The following DLG2 variants were observed in gnomAD, a reference collection of about 807,000 sequenced individuals.
The protein encoded by DLG2 is discs large MAGUK scaffold protein 2, also known as disks large homolog 2.
DLG2 carries 45 observed loss-of-function variants against 132.5 expected under a neutral mutation model. The ratio of observed to expected loss-of-function variants is 0.34; its 90% CI spans 0.27 to 0.44. The LOEUF is 0.44. DLG2 is among the 20% of genes least tolerant of loss of function. The pLI, the probability that DLG2 is intolerant of heterozygous loss-of-function variation, is 1.00. For synonymous variants in DLG2, 424 were observed against 419.6 expected, an observed-to-expected ratio of 1.01 and a Z score of -0.13; for missense variants, 1,045 against 1,196.9, an observed-to-expected ratio of 0.87 and a Z score of 1.87.
chr11:85,001,563 T>C (rs946477761), intron 6 of DLG2, among the ~76,000 whole-genome samples: 2 of 152,138 alleles, frequency 1.3e-5, no homozygotes, highest in Non-Finnish European at 2.9e-5. Context: ...TATCAGTGAT[T>C]CTTAAGCCTG....
chr11:84,873,435 A>G (rs560745815), intron 6 of DLG2, among the ~76,000 whole-genome samples: 2 of 152,232 alleles, frequency 1.3e-5, no homozygotes, highest in Non-Finnish European at 2.9e-5. Context: ...ACTTCAGGAA[A>G]TGTAGATAAT....
intron 18 of DLG2, among the ~76,000 whole-genome samples, chr11:83,741,979 A>G (rs1282271381): frequency 2.6e-5 from 4 of 152,130 alleles, no homozygotes; most frequent in Admixed American, 6.6e-5. Flanking sequence ...CTCACACTGT[A>G]TTTTGGAAGC....
chr11:84,517,336 G>A (rs2099276853), intron 7 of DLG2, among the ~76,000 whole-genome samples: 1 of 151,708 alleles, frequency 6.6e-6, no homozygotes, highest in Admixed American at 6.6e-5. Context: ...ATGGGCAGAG[G>A]ATCTGAACAG....
At chr11:84,719,128 G>A (rs1299677676) in intron 6 of DLG2, among the ~76,000 whole-genome samples, 1 of 152,090 alleles carries the variant, frequency 6.6e-6, no homozygotes, top group Non-Finnish European at 1.5e-5. Flanking sequence ...GCCAATATAA[G>A]ACTTAAAATC....
intron 18 of DLG2, among the ~76,000 whole-genome samples, chr11:83,666,523 T>C (rs2075606222): frequency 6.6e-6 from 1 of 152,174 alleles, no homozygotes; most frequent in South Asian, 2.1e-4. Context: ...TGAGATGGAA[T>C]AGTTTAATCC....
chr11:85,520,575 C>T (rs981347868), intron 3 of DLG2, among the ~76,000 whole-genome samples: 1 of 147,772 alleles, frequency 6.8e-6, no homozygotes, highest in Non-Finnish European at 1.5e-5. Flanking sequence ...GTAAAAAGAA[C>T]AAAACTGAAG....
At chr11:84,198,349 G>T (rs549598422) in intron 8 of DLG2, among the ~76,000 whole-genome samples, 1 of 152,098 alleles carries the variant, frequency 6.6e-6, no homozygotes, top group East Asian at 1.9e-4. Flanking sequence ...ATACTTATTG[G>T]AATTTTGTTT....
intron 7 of DLG2, among the ~76,000 whole-genome samples, chr11:84,498,027 T>C (rs1487293762): frequency 6.6e-6 from 1 of 152,198 alleles, no homozygotes; most frequent in Non-Finnish European, 1.5e-5. Flanking sequence ...ATTTTCTACA[T>C]GACAGCTTTC....
At chr11:85,468,358 T>A (rs1013307697) in intron 3 of DLG2, among the ~76,000 whole-genome samples, 13 of 152,210 alleles carry the variant, frequency 8.5e-5, no homozygotes, top group Admixed American at 3.9e-4. Flanking sequence ...TGCTAGCTTT[T>A]GAATGTGTTT....
rs1190737656 is a variant in DLG2, at chr11:84,961,646, A to G, written c.357+150015T>C. The stretch of plus-strand genomic sequence containing the variant: ...ATTCATCCATTCACCATCATTTATG[A>G]AACTCCTGTCATGTGCCAAAAATAC... On this transcript the variant is annotated intron_variant, in intron 6 of 27. Coordinates refer to ENST00000376104, the MANE Select transcript of DLG2 (RefSeq NM_001142699.3). Among the ~76,000 whole-genome samples, 3 of 151,922 alleles carry G rather than the reference A, an allele frequency of 2.0e-5. No individual in the cohort carries two copies. In the East Asian group the frequency reaches 5.8e-4, roughly 29 times the overall value.
chr11:84,902,557 G>A (rs2091018557), intron 6 of DLG2, among the ~76,000 whole-genome samples: 1 of 152,118 alleles, frequency 6.6e-6, no homozygotes, highest in Non-Finnish European at 1.5e-5. Context: ...ATCCCCCAGG[G>A]TTCTGTCCGT....
intron 3 of DLG2, among the ~76,000 whole-genome samples, chr11:85,418,679 C>T (rs1287391662): frequency 6.6e-6 from 1 of 152,164 alleles, no homozygotes; most frequent in Non-Finnish European, 1.5e-5. Flanking sequence ...TTGCATTGAT[C>T]CCTTTACCAT....
At chr11:85,374,559 G>T (rs1055843878) in intron 3 of DLG2, among the ~76,000 whole-genome samples, 3 of 152,138 alleles carry the variant, frequency 2.0e-5, no homozygotes, top group African/African-American at 7.2e-5. Flanking sequence ...TGGTTGGCCA[G>T]GCTGGTCTCA....
At chr11:83,904,826 T>C (rs1033069605) in intron 15 of DLG2, among the ~76,000 whole-genome samples, 3 of 152,168 alleles carry the variant, frequency 2.0e-5, no homozygotes, top group Non-Finnish European at 4.4e-5. Context: ...TTCTTTGTGT[T>C]GCACTGTGGG....
chr11:84,849,677 A>C (rs1399124377), intron 6 of DLG2, among the ~76,000 whole-genome samples: 1 of 151,912 alleles, frequency 6.6e-6, no homozygotes, highest in Non-Finnish European at 1.5e-5. Context: ...GGTCTTTCTT[A>C]CCTATGTTTT....
At chr11:84,863,456 T>A (rs1480504215) in intron 6 of DLG2, among the ~76,000 whole-genome samples, 3 of 152,160 alleles carry the variant, frequency 2.0e-5, no homozygotes. Flanking sequence ...TTGTAGAAAA[T>A]GGAAACCATC....
chr11:85,116,403 T>A (rs1043411444), intron 5 of DLG2, among the ~76,000 whole-genome samples: 1 of 151,880 alleles, frequency 6.6e-6, no homozygotes, highest in African/African-American at 2.4e-5. Context: ...TATAGAGATA[T>A]AATATATATC....
intron 17 of DLG2, among the ~76,000 whole-genome samples, chr11:83,824,193 C>T (rs949846500): frequency 6.6e-6 from 1 of 152,174 alleles, no homozygotes; most frequent in Non-Finnish European, 1.5e-5. Context: ...CAATTCTCTA[C>T]TGGTTTTGCT....
intron 15 of DLG2, among the ~76,000 whole-genome samples, chr11:83,900,443 T>TG (rs891729260): frequency 2.6e-5 from 4 of 152,132 alleles, no homozygotes; most frequent in Non-Finnish European, 5.9e-5. Flanking sequence ...AAAGTGGTTT[T>TG]GTGGGCTGGT....
Sources: gnomAD v4.1 joint callset for allele counts (sites outside exome capture counted in the v4.1 genomes callset) on GRCh38, gnomAD v4.1.1 for gene constraint, MANE v1.5 for transcripts, NCBI Gene and HGNC (gene_info 2026-07-23, HGNC 2026-07-21) for gene names.